Variants in RBFOX1 observed in about 807,000 individuals in gnomAD.
RBFOX1 encodes the protein RNA binding fox-1 homolog 1.
RBFOX1 carries 8 observed loss-of-function variants against 57.7 expected under a neutral mutation model. The ratio of observed to expected loss-of-function variants is 0.14; its 90% CI spans 0.08 to 0.25. RBFOX1 has a LOEUF of 0.25. Among genes scored for constraint, RBFOX1 ranks in the 10% least tolerant of loss-of-function variants. RBFOX1 has a pLI of 1.00. For synonymous variants in RBFOX1, 326 were observed against 222.4 expected, an observed-to-expected ratio of 1.47 and a Z score of -4.15; for missense variants, 611 against 548.5, an observed-to-expected ratio of 1.11 and a Z score of -1.14.
chr16:6,812,159 C>T (rs1440151424), intron 3 of RBFOX1, among the ~76,000 whole-genome samples: 1 of 152,116 alleles, frequency 6.6e-6, no homozygotes, highest in African/African-American at 2.4e-5. Context: ...GAATGATTTT[C>T]AAGTAAAGGC....
At chr16:5,562,046 T>G (rs2045907693) in intron 2 of RBFOX1, among the ~76,000 whole-genome samples, 1 of 152,216 alleles carries the variant, frequency 6.6e-6, no homozygotes, top group Non-Finnish European at 1.5e-5. Flanking sequence ...GTCAGCTGTT[T>G]TTTATTTCCA....
intron 1 of RBFOX1, among the ~76,000 whole-genome samples, chr16:5,364,227 C>G (rs2065640491): frequency 1.3e-5 from 2 of 152,312 alleles, no homozygotes; most frequent in South Asian, 4.1e-4. Flanking sequence ...CAGCCAAGTG[C>G]TAAGTTTTAA....
chr16:7,534,086 CT>C (rs529708813), intron 5 of RBFOX1, among the ~76,000 whole-genome samples: 123 of 129,906 alleles, frequency 9.5e-4, no homozygotes, highest in Admixed American at 2.9e-3. Flanking sequence ...CGTTTTTTTT[CT>C]TTTTTTTTTT....
At chr16:6,455,994 G>C (rs1256271098) in intron 2 of RBFOX1, among the ~76,000 whole-genome samples, 2 of 151,490 alleles carry the variant, frequency 1.3e-5, no homozygotes, top group African/African-American at 4.9e-5. Flanking sequence ...TGAGCACAAA[G>C]CTTATATCTA....
chr16:7,050,244 T>C (rs1317021569), intron 3 of RBFOX1, among the ~76,000 whole-genome samples: 3 of 151,474 alleles, frequency 2.0e-5, no homozygotes, highest in Admixed American at 1.3e-4. Flanking sequence ...TTAGCTTCTT[T>C]TTTTTTCCTT....
At chr16:6,860,577 G>C (rs933364265) in intron 3 of RBFOX1, among the ~76,000 whole-genome samples, 2 of 152,150 alleles carry the variant, frequency 1.3e-5, no homozygotes, top group Admixed American at 6.5e-5. Flanking sequence ...ACATGAAGGA[G>C]ACACATAGAA....
chr16:7,135,170 C>G (rs1285312200), intron 4 of RBFOX1, among the ~76,000 whole-genome samples: 1 of 152,130 alleles, frequency 6.6e-6, no homozygotes, highest in Non-Finnish European at 1.5e-5. Flanking sequence ...TTCCCTGTTA[C>G]ATTGTTCTGT....
intron 2 of RBFOX1, among the ~76,000 whole-genome samples, chr16:6,358,062 A>C (rs2087711085): frequency 6.6e-6 from 1 of 152,098 alleles, no homozygotes; most frequent in African/African-American, 2.4e-5. Context: ...AACTTCCAGA[A>C]CCCTTTGAGA....
chr16:6,776,482 C>A (rs1023832682), intron 3 of RBFOX1, among the ~76,000 whole-genome samples: 17 of 152,134 alleles, frequency 1.1e-4, no homozygotes, highest in African/African-American at 3.9e-4. Flanking sequence ...CAGTGCAATT[C>A]TTTAAAGTGC....
intron 3 of RBFOX1, among the ~76,000 whole-genome samples, chr16:6,993,571 C>G (rs1031550010): frequency 2.6e-5 from 4 of 152,104 alleles, no homozygotes; most frequent in African/African-American, 4.8e-5. Flanking sequence ...CATAGGGAGG[C>G]AAGAGTGGTG....
intron 4 of RBFOX1, among the ~76,000 whole-genome samples, chr16:7,470,017 G>GTTT (rs35706487): frequency 6.3e-5 from 9 of 143,238 alleles, no homozygotes; most frequent in African/African-American, 2.1e-4. Context: ...GCATGGGTCA[G>GTTT]TTTTTTTTTT....
chr16:6,580,908 CT>C (rs5815330), intron 2 of RBFOX1, among the ~76,000 whole-genome samples: 15,176 of 142,312 alleles, frequency 0.11, 834 homozygotes, highest in East Asian at 0.35. Flanking sequence ...TTTGGGCTTG[CT>C]TTTTTTTTTT....
chr16:5,999,557 G>A (rs2060550951), intron 4 of RBFOX1, among the ~76,000 whole-genome samples: 1 of 152,208 alleles, frequency 6.6e-6, no homozygotes, highest in East Asian at 1.9e-4. Context: ...AGGAAGAAGG[G>A]TTGGCCGGGC....
chr16:7,233,626 C>A (rs538784665), intron 4 of RBFOX1, among the ~76,000 whole-genome samples: 28 of 152,330 alleles, frequency 1.8e-4, no homozygotes, highest in Admixed American at 5.9e-4. Context: ...GCATTGTGGA[C>A]ATCCGATTGT....
At chr16:5,834,797 G>C (rs1187884720) in intron 3 of RBFOX1, among the ~76,000 whole-genome samples, 2 of 151,612 alleles carry the variant, frequency 1.3e-5, no homozygotes, top group Non-Finnish European at 2.9e-5. Context: ...TAGATAGATA[G>C]ATAGATAGAT....
At chr16:6,683,822 A>G (rs1458902745) in intron 3 of RBFOX1, among the ~76,000 whole-genome samples, 2 of 152,088 alleles carry the variant, frequency 1.3e-5, no homozygotes, top group African/African-American at 4.8e-5. Flanking sequence ...CAGGAAGTTG[A>G]CTCTTCATGG....
In RBFOX1 at chr16:7,292,812, C is replaced by G. The variant is rs1037370304; in HGVS notation, c.28-225335C>G. On this transcript the variant is annotated intron_variant, in intron 4 of 15. Coordinates refer to ENST00000550418, the MANE Select transcript of RBFOX1 (RefSeq NM_018723.4). ...AATGCTATGTTTTCATCAGTAAGCA[C>G]AATAGGTCTTGTAATGGAGCGTACA... 2.0e-5 allele frequency among the ~76,000 whole-genome samples: 3 copies of G among 152,010 alleles called. No individual in the cohort carries two copies. In the East Asian group the frequency reaches 5.8e-4, roughly 29 times the overall value.
intron 5 of RBFOX1, among the ~76,000 whole-genome samples, chr16:7,551,875 A>G (rs1466921514): frequency 6.6e-6 from 1 of 152,194 alleles, no homozygotes; most frequent in Non-Finnish European, 1.5e-5. Context: ...GGTTTCATAA[A>G]GAAGTGCACA....
chr16:5,689,101 G>A (rs948372135), intron 3 of RBFOX1, among the ~76,000 whole-genome samples: 1 of 152,222 alleles, frequency 6.6e-6, no homozygotes, highest in Non-Finnish European at 1.5e-5. Context: ...GCTTGGTTAT[G>A]TAACACAAAC....
Sources: gnomAD v4.1 joint callset for allele counts (sites outside exome capture counted in the v4.1 genomes callset) on GRCh38, gnomAD v4.1.1 for gene constraint, MANE v1.5 for transcripts, NCBI Gene and HGNC (gene_info 2026-07-23, HGNC 2026-07-21) for gene names.